Variants in KIAA1217 observed in about 807,000 individuals in gnomAD.
KIAA1217 encodes the protein sickle tail protein homolog.
Under a neutral mutation model 163.9 loss-of-function variants are expected in KIAA1217, and 88 were observed. The observed-to-expected ratio is 0.54, with a 90% CI of 0.45 to 0.64. The LOEUF (loss-of-function observed/expected upper bound fraction) is 0.64, where lower values mean the gene tolerates loss of function less well. KIAA1217 is among the 30% of genes least tolerant of loss of function. The probability of loss-of-function intolerance (pLI) is 0.00; values close to 1 mark genes in which losing one functional copy is unlikely to be tolerated. For synonymous variants in KIAA1217, 903 were observed against 923.1 expected, an observed-to-expected ratio of 0.98 and a Z score of 0.39; for missense variants, 2,372 against 2,475.0, an observed-to-expected ratio of 0.96 and a Z score of 0.88.
chr10:24,259,701 G>A (rs530520536), intron 2 of KIAA1217, among the ~76,000 whole-genome samples: 3 of 152,326 alleles, frequency 2.0e-5, no homozygotes, highest in Admixed American at 1.3e-4. Flanking sequence ...ACTGAACTCC[G>A]TGATTCCCCT....
intron 1 of KIAA1217, among the ~76,000 whole-genome samples, chr10:23,894,287 CAA>C (rs1841572983): frequency 6.6e-6 from 1 of 152,004 alleles, no homozygotes; most frequent in Non-Finnish European, 1.5e-5. Flanking sequence ...GCAACTTCAG[CAA>C]AGTCTCAGGA....
chr10:24,384,032 C>T lies in KIAA1217; in HGVS notation c.553+2965C>T, dbSNP rs191724363. The stretch of plus-strand genomic sequence containing the variant: ...ACAGTGCTCCCCAGAGAGCCCCGGC[C>T]ATGAGCAGGGTGTCTACCAGCACCT... On this transcript the variant is annotated intron_variant, in intron 3 of 20. Coordinates refer to ENST00000376454, the MANE Select transcript of KIAA1217 (RefSeq NM_019590.5). Among the ~76,000 whole-genome samples the T allele has an allele frequency of 2.6e-5, 4 of 152,324 alleles. No homozygotes were observed. The East Asian group carries it at 7.7e-4, about 29-fold the overall frequency.
At position 23,787,021 on chromosome 10, in the gene KIAA1217, T is replaced by A. The variant is rs114391275; in HGVS notation, c.-321+91787T>A. ...AATGTTAAAGTTTTAATAACATATT[T>A]TTCTTCTGAGCAACATTTTAAAATT... On this transcript the variant is annotated intron_variant, in intron 1 of 18. Transcript: ENST00000376462. 3.0e-3 allele frequency among the ~76,000 whole-genome samples: 455 copies of A among 152,324 alleles called. 2 individuals are homozygous for A. The highest frequency in any genetic ancestry group is 0.011 in the African/African-American group (444 of 41,568).
chr10:24,068,789 T>G (rs2061069945), intron 2 of KIAA1217, among the ~76,000 whole-genome samples: 1 of 152,122 alleles, frequency 6.6e-6, no homozygotes, highest in African/African-American at 2.4e-5. Context: ...AGGTCAGAAG[T>G]TGACTATGCA....
intron 2 of KIAA1217, among the ~76,000 whole-genome samples, chr10:24,305,913 C>T (rs542535665): frequency 4.0e-5 from 6 of 151,876 alleles, no homozygotes; most frequent in East Asian, 1.9e-4. Flanking sequence ...AGAAAGAGAT[C>T]GCCCAGGAGA....
intron 1 of KIAA1217, among the ~76,000 whole-genome samples, chr10:23,780,837 T>C (rs1047485809): frequency 2.6e-5 from 4 of 151,810 alleles, no homozygotes; most frequent in African/African-American, 9.7e-5. Context: ...CCCACCACCA[T>C]GCCTGGCTAA....
chr10:23,839,994 G>A (rs1214269366), intron 1 of KIAA1217, among the ~76,000 whole-genome samples: 1 of 152,102 alleles, frequency 6.6e-6, no homozygotes, highest in Non-Finnish European at 1.5e-5. Flanking sequence ...TAGGTTGATG[G>A]CTTTTCTCAT....
intron 2 of KIAA1217, among the ~76,000 whole-genome samples, chr10:24,188,131 A>T (rs1026129018): frequency 6.6e-6 from 1 of 152,188 alleles, no homozygotes; most frequent in Non-Finnish European, 1.5e-5. Context: ...TGGGAGGCAG[A>T]GTTTGCAGTG....
At chr10:23,834,347 C>T (rs1838350686) in intron 1 of KIAA1217, among the ~76,000 whole-genome samples, 1 of 152,130 alleles carries the variant, frequency 6.6e-6, no homozygotes, top group South Asian at 2.1e-4. Flanking sequence ...TATCAGCCAA[C>T]TATTTCAAAT....
intron 2 of KIAA1217, among the ~76,000 whole-genome samples, chr10:24,242,247 CTCCA>C (rs1445560955): frequency 2.0e-5 from 3 of 152,178 alleles, no homozygotes; most frequent in Admixed American, 2.0e-4. Context: ...CACATCCCAC[CTCCA>C]TCCCCACTCT....
chr10:23,744,909 G>T (rs964011265), intron 1 of KIAA1217, among the ~76,000 whole-genome samples: 9 of 152,140 alleles, frequency 5.9e-5, no homozygotes, highest in African/African-American at 1.9e-4. Flanking sequence ...ACTTGGGTCT[G>T]TTAAGGCCTT....
chr10:24,495,160 A>G lies in KIAA1217; in HGVS notation c.1798A>G (p.Lys600Glu). 6.2e-7 allele frequency: 1 copy of G among 1,613,204 alleles called. No homozygotes were observed. The highest frequency in any genetic ancestry group is 1.3e-5 in the African/African-American group (1 of 74,886). The change falls in exon 8 of 21, where the codon AAA becomes GAA. Residue 600 changes from lysine to glutamate, a missense_variant. Lys to Glu is a moderately conservative substitution (Grantham distance 56). Transcript: ENST00000376454. ...SKDASSEKMM[K>E]TTANRNHTDS... ...TCTTTTATTCAGCGAGAAAATGATG[A>G]AAACCACAGCCAACAGGAACCACAC...
intron 1 of KIAA1217, among the ~76,000 whole-genome samples, chr10:23,765,575 A>G (rs775974313): frequency 6.6e-6 from 1 of 152,010 alleles, no homozygotes; most frequent in Admixed American, 6.6e-5. Context: ...TGTAATCCCT[A>G]TATGTGGAGG....
At chr10:23,932,206 G>T (rs1225124227) in intron 1 of KIAA1217, among the ~76,000 whole-genome samples, 1 of 152,184 alleles carries the variant, frequency 6.6e-6, no homozygotes, top group African/African-American at 2.4e-5. Flanking sequence ...GAAGGGCAAA[G>T]AAGGCATTTG....
chr10:24,082,894 C>T lies in KIAA1217; in HGVS notation c.-171+75520C>T, dbSNP rs571749348. On this transcript the variant is annotated intron_variant, in intron 2 of 18. Transcript: ENST00000376462. Reference sequence around the variant, plus strand: ...AAAAGTGTTCCTATTTCTCTGCAACCTCACCAGCAACTGTTGTTTCTTGAC... The same window carrying T: ...AAAAGTGTTCCTATTTCTCTGCAACTTCACCAGCAACTGTTGTTTCTTGAC... 5.3e-5 allele frequency among the ~76,000 whole-genome samples: 8 copies of T among 152,288 alleles called. No individual in the cohort carries two copies. In the South Asian group the frequency reaches 1.7e-3, roughly 32 times the overall value.
At chr10:24,094,292 C>A (rs547294787) in intron 2 of KIAA1217, among the ~76,000 whole-genome samples, 2 of 152,214 alleles carry the variant, frequency 1.3e-5, no homozygotes, top group African/African-American at 4.8e-5. Context: ...TCCTATTTCT[C>A]CACATCCTCT....
chr10:24,505,030 G>A (rs555809065), intron 9 of KIAA1217, among the ~76,000 whole-genome samples: 119 of 152,218 alleles, frequency 7.8e-4, no homozygotes, highest in African/African-American at 2.8e-3. Context: ...GCTCAGGCAC[G>A]ATGGCCAGAG....
At chr10:23,698,308 A>G (rs898226074) in intron 1 of KIAA1217, among the ~76,000 whole-genome samples, 1 of 152,198 alleles carries the variant, frequency 6.6e-6, no homozygotes, top group African/African-American at 2.4e-5. Context: ...GAGTATTGTG[A>G]TTGTGGATAA....
At chr10:24,074,787 A>G (rs1026767528) in intron 2 of KIAA1217, among the ~76,000 whole-genome samples, 15 of 139,528 alleles carry the variant, frequency 1.1e-4, no homozygotes, top group African/African-American at 3.2e-4. Flanking sequence ...TGCAGCCTTT[A>G]CCTCCCGGGA....
Sources: gnomAD v4.1 joint callset for allele counts (sites outside exome capture counted in the v4.1 genomes callset) on GRCh38, gnomAD v4.1.1 for gene constraint, MANE v1.5 for transcripts, NCBI Gene and HGNC (gene_info 2026-07-23, HGNC 2026-07-21) for gene names.